Variants in PALM2AKAP2 observed in about 807,000 individuals in gnomAD.
The protein encoded by PALM2AKAP2 is PALM2-AKAP2 fusion protein.
Under a neutral mutation model 71.5 loss-of-function variants are expected in PALM2AKAP2, and 37 were observed. The ratio of observed to expected loss-of-function variants is 0.52; its 90% CI spans 0.40 to 0.68. The LOEUF (loss-of-function observed/expected upper bound fraction) is 0.68. PALM2AKAP2 is among the 30% of genes least tolerant of loss of function. The probability of loss-of-function intolerance (pLI) is 0.00; values close to 1 mark genes in which losing one functional copy is unlikely to be tolerated. For missense variants in PALM2AKAP2, 1,224 were observed against 1,191.8 expected (o/e 1.03, Z -0.40); for synonymous variants, 468 against 478.8 (o/e 0.98, Z 0.29).
In PALM2AKAP2 at chr9:109,886,380, T is replaced by A. The variant is rs368377910; in HGVS notation, c.257+5699T>A. On this transcript the variant is annotated intron_variant, in intron 3 of 9. Transcript: ENST00000302798. Reference sequence around the variant, plus strand: ...CAAGTCTTGTTGTTTACCTTGTCACTTTCCCACTTAAGATTCTCTTTCATT... The same window carrying A: ...CAAGTCTTGTTGTTTACCTTGTCACATTCCCACTTAAGATTCTCTTTCATT... Among the ~76,000 whole-genome samples, 16 of 152,354 alleles carry A rather than the reference T, an allele frequency of 1.1e-4. No homozygotes were observed. The East Asian group carries it at 2.7e-3, about 26-fold the overall frequency.
At chr9:109,904,623 C>T (rs538750976) in intron 3 of PALM2AKAP2, among the ~76,000 whole-genome samples, 6 of 152,252 alleles carry the variant, frequency 3.9e-5, no homozygotes, top group Admixed American at 1.3e-4. Context: ...AGGTAATTCT[C>T]CCTTAGTCTC....
chr9:109,881,132 A>T (rs1270354749), intron 3 of PALM2AKAP2, among the ~76,000 whole-genome samples: 1 of 152,108 alleles, frequency 6.6e-6, no homozygotes, highest in Non-Finnish European at 1.5e-5. Context: ...GAGAACATGC[A>T]GTATTTGGTT....
At chr9:109,768,523 T>C (rs941900002) in intron 1 of PALM2AKAP2, among the ~76,000 whole-genome samples, 1 of 152,156 alleles carries the variant, frequency 6.6e-6, no homozygotes, top group African/African-American at 2.4e-5. Context: ...CATTTCAAGT[T>C]CTCTCTTTTA....
intron 1 of PALM2AKAP2, among the ~76,000 whole-genome samples, chr9:110,103,766 G>C (rs1310499178): frequency 6.6e-6 from 1 of 152,148 alleles, no homozygotes; most frequent in Non-Finnish European, 1.5e-5. Context: ...AGGTTTATTT[G>C]TGTTTGAGAT....
chr9:110,172,233 C>A (rs1383866926), exon 4 of PALM2AKAP2: 1 of 152,468 alleles, frequency 6.6e-6, no homozygotes, highest in African/African-American at 2.4e-5. Context: ...AGTTAAAGAA[C>A]AAATTTCCTG....
intron 1 of PALM2AKAP2, among the ~76,000 whole-genome samples, chr9:110,063,118 G>GA (rs1164488859): frequency 6.6e-6 from 1 of 152,114 alleles, no homozygotes; most frequent in South Asian, 2.1e-4. Flanking sequence ...TTGTTTATGT[G>GA]AAAACTGTGT....
chr9:109,679,454 A>G (rs1827694038), intron 1 of PALM2AKAP2, among the ~76,000 whole-genome samples: 1 of 152,222 alleles, frequency 6.6e-6, no homozygotes, highest in South Asian at 2.1e-4. Flanking sequence ...CCTTTTAAGA[A>G]GAGAACCCAT....
At chr9:109,666,056 T>C (rs1827479148) in intron 1 of PALM2AKAP2, among the ~76,000 whole-genome samples, 1 of 152,172 alleles carries the variant, frequency 6.6e-6, no homozygotes. Flanking sequence ...CAGCACAGTA[T>C]TTGGGCGGGA....
At chr9:109,657,539 G>C (rs1827324766) in intron 1 of PALM2AKAP2, among the ~76,000 whole-genome samples, 1 of 151,770 alleles carries the variant, frequency 6.6e-6, no homozygotes, top group Non-Finnish European at 1.5e-5. Flanking sequence ...CAGCGGAAGA[G>C]AGGATGACAG....
In PALM2AKAP2 at chr9:110,150,714, T is replaced by C. The variant is rs551031833; in HGVS notation, c.2570-5605T>C. ...GCAACATATAGTGTTCATCTTATGC[T>C]GATTGAGTGTCTGCCATGTGCTATG... On this transcript the variant is annotated intron_variant, in intron 2 of 3. Transcript: ENST00000374525. Among the ~76,000 whole-genome samples, 22 of 152,370 alleles carry C rather than the reference T, an allele frequency of 1.4e-4. No homozygotes were observed. The South Asian group carries it at 4.3e-3, about 30-fold the overall frequency.
chr9:109,989,921 G>C (rs1832444514), intron 6 of PALM2AKAP2, among the ~76,000 whole-genome samples: 2 of 152,158 alleles, frequency 1.3e-5, no homozygotes, highest in African/African-American at 4.8e-5. Flanking sequence ...GTTAAGGATT[G>C]TTTCTCTAAA....
chr9:109,905,640 T>G (rs1830430257), intron 3 of PALM2AKAP2, among the ~76,000 whole-genome samples: 2 of 152,164 alleles, frequency 1.3e-5, no homozygotes, highest in Non-Finnish European at 1.5e-5. Context: ...TGACCATCCT[T>G]CAGTCGGCTA....
At chr9:110,024,587 C>G (rs942169288) in intron 7 of PALM2AKAP2, among the ~76,000 whole-genome samples, 3 of 152,046 alleles carry the variant, frequency 2.0e-5, no homozygotes, top group Admixed American at 2.0e-4. Context: ...AGTTGGAGAC[C>G]AGCCTGGACA....
At chr9:109,757,888 A>T (rs1317243732) in intron 1 of PALM2AKAP2, among the ~76,000 whole-genome samples, 1 of 151,948 alleles carries the variant, frequency 6.6e-6, no homozygotes, top group African/African-American at 2.4e-5. Context: ...TATCTATTTC[A>T]TTTTTTCTTT....
intron 1 of PALM2AKAP2, among the ~76,000 whole-genome samples, chr9:109,666,238 T>C (rs1309521208): frequency 1.1e-4 from 16 of 152,160 alleles, no homozygotes; most frequent in Non-Finnish European, 1.2e-4. Flanking sequence ...GGTACCTCAG[T>C]TGGAAATGCA....
intron 1 of PALM2AKAP2, among the ~76,000 whole-genome samples, chr9:110,056,396 T>C (rs980115733): frequency 6.6e-6 from 1 of 152,192 alleles, no homozygotes; most frequent in Non-Finnish European, 1.5e-5. Context: ...CCATTTTTAT[T>C]TGGGTGGGTT....
At chr9:110,127,467 G>A (rs1182227261) in intron 1 of PALM2AKAP2, among the ~76,000 whole-genome samples, 1 of 152,116 alleles carries the variant, frequency 6.6e-6, no homozygotes, top group Non-Finnish European at 1.5e-5. Context: ...TCCACAGGCC[G>A]GAAGAAGCTC....
intron 4 of PALM2AKAP2, 87 bp downstream of exon 4, chr9:109,923,936 TG>T: frequency 1.5e-6 from 2 of 1,309,930 alleles, no homozygotes; most frequent in Non-Finnish European, 2.0e-6. Context: ...AACAGGCCAG[TG>T]GGCATTGATG....
intron 1 of PALM2AKAP2, among the ~76,000 whole-genome samples, chr9:109,710,967 G>C (rs1184926997): frequency 6.6e-6 from 1 of 152,168 alleles, no homozygotes; most frequent in Non-Finnish European, 1.5e-5. Context: ...AATCTACACT[G>C]CATGTTTATT....
Sources: gnomAD v4.1 joint callset for allele counts (sites outside exome capture counted in the v4.1 genomes callset) on GRCh38, gnomAD v4.1.1 for gene constraint, MANE v1.5 for transcripts, NCBI Gene and HGNC (gene_info 2026-07-23, HGNC 2026-07-21) for gene names.